HDAC9: variants seen among roughly 807,000 people sequenced by gnomAD.
The protein encoded by HDAC9 is histone deacetylase 9.
HDAC9 carries 41 observed loss-of-function variants against 139.4 expected under a neutral mutation model. That is an observed-to-expected ratio of 0.29 (90% confidence interval 0.23 to 0.38). The LOEUF (loss-of-function observed/expected upper bound fraction) is 0.38, where lower values mean the gene tolerates loss of function less well. Among genes scored for constraint, HDAC9 ranks in the 10% least tolerant of loss-of-function variants. The pLI is 1.00. For synonymous variants in HDAC9, 517 were observed against 476.2 expected (o/e 1.09, Z -1.12); for missense variants, 1,147 against 1,297.0 (o/e 0.88, Z 1.78).
intron 1 of HDAC9, among the ~76,000 whole-genome samples, chr7:18,436,009 G>C (rs1791169933): frequency 1.3e-5 from 2 of 151,074 alleles, no homozygotes. Flanking sequence ...GAAGAGGCGA[G>C]GTTTCACTAT....
chr7:18,732,763 A>ATG (rs1399587460), intron 13 of HDAC9, among the ~76,000 whole-genome samples: 2 of 70,094 alleles, frequency 2.9e-5, no homozygotes, highest in African/African-American at 9.2e-5. Context: ...ACACACGTGT[A>ATG]TGTGTGCGTA....
intron 22 of HDAC9, among the ~76,000 whole-genome samples, chr7:18,904,796 C>T (rs1034011533): frequency 7.6e-4 from 116 of 152,042 alleles, no homozygotes; most frequent in Admixed American, 2.9e-3. Flanking sequence ...AGGATGGTCT[C>T]GATCTCCTGA....
intron 14 of HDAC9, among the ~76,000 whole-genome samples, chr7:18,756,877 C>CTT (rs562272949): frequency 2.8e-5 from 4 of 144,692 alleles, no homozygotes; most frequent in South Asian, 2.2e-4. Flanking sequence ...ACTCCCCAAC[C>CTT]TTTTTTTTTT....
At chr7:18,706,970 G>T (rs1395142969) in intron 12 of HDAC9, among the ~76,000 whole-genome samples, 1 of 152,196 alleles carries the variant, frequency 6.6e-6, no homozygotes, top group Non-Finnish European at 1.5e-5. Flanking sequence ...GGTTATGGAG[G>T]CTGGGTATGC....
intron 12 of HDAC9, among the ~76,000 whole-genome samples, chr7:18,699,194 A>T (rs543284915): frequency 2.0e-5 from 3 of 152,176 alleles, no homozygotes; most frequent in Non-Finnish European, 2.9e-5. Flanking sequence ...ATTTCTCAAC[A>T]TAATTATGTT....
chr7:18,302,683 G>A (rs1798619890), intron 1 of HDAC9, among the ~76,000 whole-genome samples: 2 of 152,132 alleles, frequency 1.3e-5, no homozygotes, highest in Admixed American at 6.5e-5. Context: ...TAAATGTCTA[G>A]TCTGTAAGGC....
rs373441653 is a variant in HDAC9, at chr7:18,901,221, TACACACAC to T, written c.2803+26645_2803+26652del. ...TACTATATATACATATATATATATA[TACACACAC>T]ACACACACACACACACACATATATA... On this transcript the variant is annotated intron_variant, in intron 22 of 25. Transcript: ENST00000686413. Among the ~76,000 whole-genome samples, 5 of 123,136 alleles carry T rather than the reference TACACACAC, an allele frequency of 4.1e-5. No homozygotes were observed. In the South Asian group the frequency reaches 9.1e-4, roughly 22 times the overall value. 80.8% of individuals were successfully genotyped at this position (123,136 alleles called of 152,430 possible).
At chr7:18,334,963 C>G (rs978535743) in intron 1 of HDAC9, among the ~76,000 whole-genome samples, 1 of 151,474 alleles carries the variant, frequency 6.6e-6, no homozygotes, top group African/African-American at 2.4e-5. Flanking sequence ...GCTCACTACC[C>G]TGCACACTTA....
chr7:18,407,071 G>A (rs541174361), intron 1 of HDAC9, among the ~76,000 whole-genome samples: 1 of 152,204 alleles, frequency 6.6e-6, no homozygotes, highest in South Asian at 2.1e-4. Flanking sequence ...CTTTCTTACT[G>A]AAATCTCCTG....
chr7:18,166,410 A>G (rs1788016535), intron 2 of HDAC9, among the ~76,000 whole-genome samples: 1 of 152,194 alleles, frequency 6.6e-6, no homozygotes, highest in Admixed American at 6.5e-5. Context: ...CTCGTATTCT[A>G]TTCATTTTCT....
In HDAC9 at chr7:18,698,931, A is replaced by G. The variant is rs569931431; in HGVS notation, c.1732-28649A>G. ...GTTCTAAGCATGAAAGGTTAGCAAC[A>G]AGCTTCATAAAGTCATCCTATTTGT... is the stretch of plus-strand genomic sequence containing the variant. On this transcript the variant is annotated intron_variant, in intron 12 of 25. Transcript: ENST00000686413. Among the ~76,000 whole-genome samples the G allele has an allele frequency of 3.9e-5, 6 of 152,382 alleles. No individual in the cohort carries two copies. In the East Asian group the frequency reaches 1.2e-3, roughly 29 times the overall value.
At chr7:18,501,775 T>C (rs1399778722) in intron 2 of HDAC9, among the ~76,000 whole-genome samples, 1 of 152,182 alleles carries the variant, frequency 6.6e-6, no homozygotes, top group African/African-American at 2.4e-5. Flanking sequence ...ATAATAGGCA[T>C]GTATTCTATG....
At chr7:18,653,642 G>A (rs530586309) in intron 11 of HDAC9, among the ~76,000 whole-genome samples, 2 of 152,216 alleles carry the variant, frequency 1.3e-5, no homozygotes, top group East Asian at 3.9e-4. Flanking sequence ...TCTAAGACAA[G>A]ACCAGTAAAT....
intron 2 of HDAC9, among the ~76,000 whole-genome samples, chr7:18,529,617 T>C (rs1808180355): frequency 6.6e-6 from 1 of 152,220 alleles, no homozygotes; most frequent in Non-Finnish European, 1.5e-5. Context: ...ATTGTGTGTA[T>C]TTCGTGTATT....
chr7:18,719,854 G>T (rs116577935), intron 12 of HDAC9, among the ~76,000 whole-genome samples: 1,634 of 152,238 alleles, frequency 0.011, 26 homozygotes, highest in African/African-American at 0.037. Context: ...AGTTGTCCCT[G>T]TTCTATTTGT....
chr7:18,541,123 A>C (rs996403547), intron 2 of HDAC9, among the ~76,000 whole-genome samples: 18 of 148,990 alleles, frequency 1.2e-4, no homozygotes, highest in African/African-American at 4.5e-4. Flanking sequence ...TAAGTGTTTC[A>C]AATATCCAAG....
At chr7:18,190,703 C>G (rs1224796706) in intron 2 of HDAC9, among the ~76,000 whole-genome samples, 3 of 152,028 alleles carry the variant, frequency 2.0e-5, no homozygotes, top group Non-Finnish European at 2.9e-5. Context: ...AAGATTGTTG[C>G]TTTTCTCTTT....
At chr7:18,685,445 C>A (rs912013511) in intron 12 of HDAC9, among the ~76,000 whole-genome samples, 2 of 151,890 alleles carry the variant, frequency 1.3e-5, no homozygotes, top group Non-Finnish European at 2.9e-5. Flanking sequence ...AAGTGTTAAT[C>A]CTGATCTTCA....
At chr7:18,609,247 G>A (rs559065435) in intron 6 of HDAC9, among the ~76,000 whole-genome samples, 1 of 152,284 alleles carries the variant, frequency 6.6e-6, no homozygotes, top group African/African-American at 2.4e-5. Flanking sequence ...GTAGGCACTA[G>A]CTGCATGTTG....
Sources: gnomAD v4.1 joint callset for allele counts (sites outside exome capture counted in the v4.1 genomes callset) on GRCh38, gnomAD v4.1.1 for gene constraint, MANE v1.5 for transcripts, NCBI Gene and HGNC (gene_info 2026-07-23, HGNC 2026-07-21) for gene names.